Variants in CYP4F22 observed in about 807,000 individuals in gnomAD.
The protein encoded by CYP4F22 is cytochrome P450 family 4 subfamily F member 22.
Under a neutral mutation model 60.4 loss-of-function variants are expected in CYP4F22, and 37 were observed. That is an observed-to-expected ratio of 0.61 (90% CI 0.47 to 0.81). The LOEUF is 0.81. CYP4F22 is among the 30% of genes least tolerant of loss of function. The pLI, the probability that CYP4F22 is intolerant of heterozygous loss-of-function variation, is 0.00. For synonymous variants in CYP4F22, 258 were observed against 280.5 expected, an observed-to-expected ratio of 0.92 and a Z score of 0.80; for missense variants, 655 against 715.0, an observed-to-expected ratio of 0.92 and a Z score of 0.96.
chr19:15,538,039 G>T (rs1384317618), intron 7 of CYP4F22, 46 bp downstream of exon 7: 1 of 1,612,526 alleles, frequency 6.2e-7, no homozygotes, highest in Admixed American at 1.7e-5. Flanking sequence ...TGCTCTAGGA[G>T]CAAGATGGTG....
At position 15,537,903 on chromosome 19, in the gene CYP4F22, C is replaced by T. The variant is rs151269464; in HGVS notation, c.581C>T (p.Ala194Val). 173 of 1,614,102 alleles carry T rather than the reference C, an allele frequency of 1.1e-4. 1 individual carries two copies. Among genetic ancestry groups the T allele is most frequent in the Non-Finnish European group, 1.3e-4 (151 of 1,180,032 alleles). ...AKWRHLAEGS[A>V]VSLDMFEHIS... ...TGGCGGCATCTGGCAGAGGGCTCAG[C>T]GGTCTCCCTTGATATGTTTGAGCAT... Residue 194 changes from alanine to valine, a missense_variant, in exon 7 of 14, where the codon GCG becomes GTG. By Grantham distance (64) the Ala-to-Val change is moderately conservative. This residue lies in a region of CYP4F22 where 430 missense variants were observed against 457.1 expected (regional missense o/e 0.94). Transcript: ENST00000269703.
chr19:15,543,354 C>T (rs1275601298), intron 8 of CYP4F22, among the ~76,000 whole-genome samples: 1 of 152,068 alleles, frequency 6.6e-6, no homozygotes, highest in East Asian at 1.9e-4. Context: ...CATCACCACA[C>T]CTGGCTGATT....
rs1447740365 is a variant in CYP4F22, at chr19:15,508,628, G to C, written c.-109+45G>C. 5.3e-5 allele frequency: 8 copies of C among 151,110 alleles called. No homozygotes were observed. The East Asian group carries it at 1.6e-3, about 29-fold the overall frequency. 9.4% of individuals were successfully genotyped at this position (151,110 alleles called of 1,614,324 possible). ...GGGCTGTAACCTGAGCGCGGCCGCGGCGCTGCGCTGGAACCCGAGGCTCGC... is the reference window on the plus strand; with the variant it reads ...GGGCTGTAACCTGAGCGCGGCCGCGCCGCTGCGCTGGAACCCGAGGCTCGC... On this transcript the variant is annotated intron_variant, in intron 1 of 13. Coordinates refer to ENST00000269703, the MANE Select transcript of CYP4F22 (RefSeq NM_173483.4).
chr19:15,511,092 G>C (rs183515149), intron 1 of CYP4F22, among the ~76,000 whole-genome samples: 1 of 149,032 alleles, frequency 6.7e-6, no homozygotes, highest in Non-Finnish European at 1.5e-5. Flanking sequence ...TCAGCCTCCT[G>C]AGTAGCTGAG....
At chr19:15,537,134 G>A (rs550377691) in intron 4 of CYP4F22, among the ~76,000 whole-genome samples, 1 of 152,008 alleles carries the variant, frequency 6.6e-6, no homozygotes, top group South Asian at 2.1e-4. Context: ...CTCTGTCTCT[G>A]CTAAAAATAC....
chr19:15,509,914 T>C (rs7253144), intron 1 of CYP4F22, among the ~76,000 whole-genome samples: 15,527 of 132,976 alleles, frequency 0.12, 1,273 homozygotes, highest in Non-Finnish European at 0.14. Flanking sequence ...CCTTTCTTTC[T>C]TTCCTTCCTT....
intron 1 of CYP4F22, among the ~76,000 whole-genome samples, chr19:15,520,251 C>A (rs1416524597): frequency 6.7e-6 from 1 of 148,864 alleles, no homozygotes; most frequent in African/African-American, 2.5e-5. Context: ...GAGGCTGAGG[C>A]AGGAGAATGG....
At chr19:15,547,018 GTTTTTTTTT>G (rs71176432) in intron 10 of CYP4F22, among the ~76,000 whole-genome samples, 2 of 82,312 alleles carry the variant, frequency 2.4e-5, no homozygotes, top group South Asian at 5.3e-4. Flanking sequence ...GCCTGCACCA[GTTTTTTTTT>G]TTTTTTTTTT....
intron 8 of CYP4F22, among the ~76,000 whole-genome samples, chr19:15,542,590 T>A (rs1971476314): frequency 1.3e-5 from 2 of 152,114 alleles, no homozygotes; most frequent in South Asian, 4.1e-4. Flanking sequence ...GTGTAGGGCG[T>A]GCAGGTTTGT....
rs775636292 is a variant in CYP4F22 at position 15,525,468 on chromosome 19, G to A, written c.132G>A (p.Arg44=). The change falls in exon 3 of 14, where the codon AGG becomes AGA. Residue 44 remains arginine (R), a synonymous_variant. Coordinates refer to ENST00000269703, the MANE Select transcript of CYP4F22 (RefSeq NM_173483.4). ...FLFRLLLRFL[R]LCRSFYITCR... ...TCCGCCTGCTGCTGCGGTTCCTGAG[G>A]CTCTGCAGGAGCTTCTACATCACCT... 8.1e-6 allele frequency: 13 copies of A among 1,613,924 alleles called. No homozygotes were observed. In the Admixed American group the frequency reaches 2.0e-4, roughly 25 times the overall value.
chr19:15,541,592 G>T (rs1568361856), intron 8 of CYP4F22, among the ~76,000 whole-genome samples: 1 of 152,022 alleles, frequency 6.6e-6, no homozygotes, highest in Non-Finnish European at 1.5e-5. Context: ...TGAAATACAT[G>T]ACCTTGGGCT....
intron 4 of CYP4F22, among the ~76,000 whole-genome samples, chr19:15,536,607 G>A (rs1223639889): frequency 6.6e-6 from 1 of 152,128 alleles, no homozygotes; most frequent in East Asian, 1.9e-4. Flanking sequence ...TGATTCAGAT[G>A]GCCTGAGCTG....
Position 15,549,170 on chromosome 19 carries a change from C to T in CYP4F22, c.1303C>T (p.His435Tyr), listed in dbSNP as rs118203935. The change falls in exon 12 of 14, where the codon CAC becomes TAC. Residue 435 changes from histidine (H) to tyrosine (Y), a missense_variant. By Grantham distance (83) the His-to-Tyr change is moderately conservative. Coordinates refer to ENST00000269703, the MANE Select transcript of CYP4F22 (RefSeq NM_173483.4). ...IICLVSIYGT[H>Y]HNPTVWPDSK... Reference sequence around the variant, plus strand: ...CTGCTTGGTCAGCATCTATGGAACCCACCACAACCCCACAGTGTGGCCTGA... The same window carrying T: ...CTGCTTGGTCAGCATCTATGGAACCTACCACAACCCCACAGTGTGGCCTGA... 174 of 1,613,904 alleles carry T rather than the reference C, an allele frequency of 1.1e-4. No individual in the cohort carries two copies. Among genetic ancestry groups the T allele is most frequent in the Non-Finnish European group, 1.3e-4 (156 of 1,180,012 alleles).
intron 2 of CYP4F22, among the ~76,000 whole-genome samples, chr19:15,524,680 G>GAGAC (rs1555727642): frequency 6.7e-6 from 1 of 149,016 alleles, no homozygotes; most frequent in Non-Finnish European, 1.5e-5. Context: ...GAGAGAGAGA[G>GAGAC]AGAAAGAAAG....
At chr19:15,509,132 G>C (rs764982195) in intron 1 of CYP4F22, among the ~76,000 whole-genome samples, 1 of 152,154 alleles carries the variant, frequency 6.6e-6, no homozygotes, top group Non-Finnish European at 1.5e-5. Flanking sequence ...ATGAAAAGAC[G>C]GTGTTCTTCT....
chr19:15,526,837 T>C (rs1037826927), intron 3 of CYP4F22, among the ~76,000 whole-genome samples: 1 of 151,422 alleles, frequency 6.6e-6, no homozygotes, highest in Admixed American at 6.6e-5. Flanking sequence ...CTCTACCTCC[T>C]GGGCTCAAGG....
rs556210122 is a variant in CYP4F22 at position 15,540,364 on chromosome 19, G to A, written c.672-86G>A. 236 of 1,515,770 alleles carry A rather than the reference G, an allele frequency of 1.6e-4. No individual in the cohort carries two copies. In the Middle Eastern group the frequency reaches 1.6e-3, roughly 10 times the overall value. 93.9% of individuals were successfully genotyped at this position (1,515,770 alleles called of 1,614,324 possible). ...GCTTCTCTTTGTTATCTATTCAATG[G>A]GGACAGGAGGCTTATCTTAGCCAAG... On this transcript the variant is annotated intron_variant, in intron 7 of 13. Coordinates refer to ENST00000269703, the MANE Select transcript of CYP4F22 (RefSeq NM_173483.4).
At chr19:15,509,593 C>T (rs559444174) in intron 1 of CYP4F22, among the ~76,000 whole-genome samples, 12 of 152,224 alleles carry the variant, frequency 7.9e-5, no homozygotes, top group African/African-American at 2.6e-4. Flanking sequence ...TTTACAGGCA[C>T]GGAAACTGAG....
chr19:15,547,998 AGAGAGTGT>A lies in CYP4F22; in HGVS notation c.1137-108_1137-101del, dbSNP rs1382462206. On this transcript the variant is annotated intron_variant, in intron 10 of 13. Transcript: ENST00000269703. ...GAGAGAGAGAGAGAGAGAGAGAGGG[AGAGAGTGT>A]GTGTGTGTGTGTGTGTGTGTGTGTG... 1,553 of 315,736 alleles carry A rather than the reference AGAGAGTGT, an allele frequency of 4.9e-3. 144 individuals are homozygous for A. The highest frequency in any genetic ancestry group is 0.015 in the Middle Eastern group (14 of 956). The allele number at this position is 315,736 out of a possible 1,614,324, so 19.6% of individuals were successfully genotyped here.
Sources: allele counts gnomAD v4.1 joint callset (sites outside exome capture counted in the v4.1 genomes callset), GRCh38; gene constraint gnomAD v4.1.1; regional missense constraint gnomAD v4.1.1; transcripts MANE v1.5; gene names NCBI Gene and HGNC (gene_info 2026-07-23, HGNC 2026-07-21).